The following ZNF254 variants were observed in gnomAD, a reference collection of about 807,000 sequenced individuals.
The protein encoded by ZNF254 is CTD-2017D11.1.
Under a neutral mutation model 12.4 loss-of-function variants are expected in ZNF254, and 10 were observed. The ratio of observed to expected loss-of-function variants is 0.80; its 90% CI spans 0.50 to 1.36. The LOEUF is 1.36. Among genes scored for constraint, ZNF254 ranks in the 40% most tolerant of loss-of-function variants. ZNF254 has a pLI of 0.00. For synonymous variants in ZNF254, 305 were observed against 253.4 expected (o/e 1.20, Z -1.93); for missense variants, 996 against 763.9 (o/e 1.30, Z -3.58).
chr19:24,119,351 C>G (rs1410972666), intron 3 of ZNF254, among the ~76,000 whole-genome samples: 5 of 151,846 alleles, frequency 3.3e-5, no homozygotes, highest in Non-Finnish European at 5.9e-5. Flanking sequence ...GCGACCATGC[C>G]TGGCGAATTT....
At chr19:24,061,789 G>A (rs1454659220) in intron 2 of ZNF254, among the ~76,000 whole-genome samples, 2 of 152,066 alleles carry the variant, frequency 1.3e-5, no homozygotes, top group East Asian at 3.9e-4. Flanking sequence ...TTAGAAAGAG[G>A]AGTAAAATTC....
chr19:24,073,711 G>A (rs1020479814), intron 2 of ZNF254, among the ~76,000 whole-genome samples: 20 of 152,172 alleles, frequency 1.3e-4, no homozygotes, highest in Non-Finnish European at 1.2e-4. Flanking sequence ...TACCGCTGAG[G>A]CTGTGACTCC....
chr19:24,074,428 A>C (rs1351985315), intron 2 of ZNF254, among the ~76,000 whole-genome samples: 1 of 152,204 alleles, frequency 6.6e-6, no homozygotes, highest in African/African-American at 2.4e-5. Flanking sequence ...TGAATCCATC[A>C]TCTTTGTGCT....
chr19:24,117,559 T>C (rs754762817), intron 3 of ZNF254, among the ~76,000 whole-genome samples: 11 of 152,134 alleles, frequency 7.2e-5, no homozygotes, highest in Non-Finnish European at 1.3e-4. Flanking sequence ...AGCGCAGTAT[T>C]AGGGTGGGAG....
At position 24,127,640 on chromosome 19, in the gene ZNF254, A is replaced by T; in HGVS notation, c.1640A>T (p.Lys547Ile). Residue 547 changes from lysine to isoleucine, a missense_variant, in exon 4 of 4, where the codon AAA becomes ATA. Coordinates refer to ENST00000357002, the MANE Select transcript of ZNF254 (RefSeq NM_203282.4). ...ATTCATACTGAAGAGAAACCCTACAAATGTGAAAAATGTGGCAAAGCCTTT... is the reference window on the plus strand; with the variant it reads ...ATTCATACTGAAGAGAAACCCTACATATGTGAAAAATGTGGCAAAGCCTTT... The part of the protein sequence containing the change: ...KIIHTEEKPY[K>I]CEKCGKAFKQ... The T allele has an allele frequency of 6.2e-7, 1 of 1,610,924 alleles. No homozygotes were observed. The highest frequency in any genetic ancestry group is 8.5e-7 in the Non-Finnish European group (1 of 1,178,348).
At chr19:24,065,653 G>C (rs1325446252) in intron 2 of ZNF254, 2 of 152,148 alleles carry the variant, frequency 1.3e-5, no homozygotes, top group Non-Finnish European at 2.9e-5. Context: ...CCAAATGTAA[G>C]ATTGTGATTT....
At chr19:24,051,358 C>A (rs898584597) in intron 2 of ZNF254, among the ~76,000 whole-genome samples, 1 of 152,022 alleles carries the variant, frequency 6.6e-6, no homozygotes, top group South Asian at 2.1e-4. Flanking sequence ...TGAAGTTTCA[C>A]CATGTTGGCC....
chr19:24,083,687 C>A (rs1971928802), upstream of ZNF254, among the ~76,000 whole-genome samples: 1 of 152,096 alleles, frequency 6.6e-6, no homozygotes, highest in South Asian at 2.1e-4. Context: ...TTAATTAATT[C>A]TCAAAAGAAG....
At chr19:24,106,145 C>T (rs554421880) in intron 2 of ZNF254, 79 bp downstream of exon 2, 298 of 1,460,036 alleles carry the variant, frequency 2.0e-4, no homozygotes, top group South Asian at 1.5e-3. Context: ...TGGTAATTTA[C>T]GCATTCAGAT....
Position 24,078,468 on chromosome 19 carries a change from A to T in ZNF254, c.-93-27472A>T, listed in dbSNP as rs540323220. The T allele has an allele frequency of 1.1e-4, 17 of 152,334 alleles. No individual in the cohort carries two copies. The East Asian group carries it at 3.3e-3, about 29-fold the overall frequency. The allele number at this position is 152,334 out of a possible 1,614,324, so 9.4% of individuals were successfully genotyped here. A position where few individuals can be genotyped will look rare whatever the true frequency, so the allele number is the denominator to read the frequency against. ...TAAATAACTTAGGAACTGCCTTCTC[A>T]CTTTTTCAAAAAGACTCACTTTCAA... On this transcript the variant is annotated intron_variant, in intron 2 of 4. Transcript: ENST00000613065.
At chr19:24,080,538 A>G (rs1270938540) in intron 2 of ZNF254, 2 of 152,154 alleles carry the variant, frequency 1.3e-5, no homozygotes, top group Non-Finnish European at 2.9e-5. Flanking sequence ...GGCAGTTAAG[A>G]ATATGAAGTT....
intron 3 of ZNF254, among the ~76,000 whole-genome samples, chr19:24,117,527 G>A (rs190268161): frequency 2.6e-5 from 4 of 152,152 alleles, no homozygotes; most frequent in African/African-American, 4.8e-5. Context: ...GCTGTTGTGC[G>A]GTTATTTAAG....
chr19:24,080,706 TGA>T (rs1166638703), intron 2 of ZNF254: 2 of 148,026 alleles, frequency 1.4e-5, no homozygotes, highest in African/African-American at 5.0e-5. Flanking sequence ...TGCTTGAACC[TGA>T]GAGGCGGAGG....
At chr19:24,088,023 C>G (rs1972137457) in intron 1 of ZNF254, among the ~76,000 whole-genome samples, 1 of 148,120 alleles carries the variant, frequency 6.8e-6, no homozygotes, top group African/African-American at 2.5e-5. Flanking sequence ...TCAAGCGATT[C>G]TCCTGCCTCA....
chr19:24,068,024 A>T (rs1971341307), intron 2 of ZNF254, among the ~76,000 whole-genome samples: 1 of 152,150 alleles, frequency 6.6e-6, no homozygotes, highest in African/African-American at 2.4e-5. Context: ...CATATTTTAC[A>T]TGTTGTTACA....
At chr19:24,056,349 T>C (rs1235938936) in intron 2 of ZNF254, among the ~76,000 whole-genome samples, 2 of 152,244 alleles carry the variant, frequency 1.3e-5, no homozygotes, top group Non-Finnish European at 1.5e-5. Context: ...CCAGGTGTTA[T>C]GACTCTCTTC....
upstream of ZNF254, among the ~76,000 whole-genome samples, chr19:24,082,417 C>T (rs546627178): frequency 4.0e-3 from 514 of 128,706 alleles, 3 homozygotes; most frequent in Middle Eastern, 0.016. Context: ...GAGGCCGAGG[C>T]GGGCGGATCA....
chr19:24,111,220 G>A (rs1487317145), intron 3 of ZNF254, among the ~76,000 whole-genome samples: 1 of 150,412 alleles, frequency 6.6e-6, no homozygotes, highest in Non-Finnish European at 1.5e-5. Flanking sequence ...TTTTGTTCTT[G>A]CGATAGTTTA....
At chr19:24,055,724 T>C (rs1172305800) in intron 2 of ZNF254, among the ~76,000 whole-genome samples, 2 of 152,300 alleles carry the variant, frequency 1.3e-5, no homozygotes, top group Non-Finnish European at 1.5e-5. Context: ...ATCCAGTCCA[T>C]AGGTGAGTTG....
Sources: gnomAD v4.1 joint callset for allele counts (sites outside exome capture counted in the v4.1 genomes callset) on GRCh38, gnomAD v4.1.1 for gene constraint, MANE v1.5 for transcripts, NCBI Gene and HGNC (gene_info 2026-07-23, HGNC 2026-07-21) for gene names.